PCDHGA3: variants seen among roughly 807,000 people sequenced by gnomAD.
PCDHGA3 encodes protocadherin gamma subfamily A, 3.
Under a neutral mutation model 58.5 loss-of-function variants are expected in PCDHGA3, and 40 were observed. The ratio of observed to expected loss-of-function variants is 0.68; its 90% CI spans 0.53 to 0.89. The LOEUF (loss-of-function observed/expected upper bound fraction) is 0.89, where lower values mean the gene tolerates loss of function less well. Among genes scored for constraint, PCDHGA3 ranks in the 40% least tolerant of loss-of-function variants. The pLI, the probability that PCDHGA3 is intolerant of heterozygous loss-of-function variation, is 0.00. For missense variants in PCDHGA3, 1,223 were observed against 1,195.9 expected (o/e 1.02, Z -0.33); for synonymous variants, 530 against 525.7 (o/e 1.01, Z -0.11).
At chr5:141,398,242 G>A (rs768096349) in intron 1 of PCDHGA3, 11 of 1,476,422 alleles carry the variant, frequency 7.5e-6, no homozygotes, top group Admixed American at 6.1e-5. Context: ...CAGGATTCCC[G>A]AGGAAATGCC....
At chr5:141,398,866 T>TAC (rs775997367) in intron 1 of PCDHGA3, 28 of 1,613,844 alleles carry the variant, frequency 1.7e-5, no homozygotes, top group Non-Finnish European at 8.5e-7. Flanking sequence ...CCGAGACGTG[T>TAC]ACAGAGTCAG....
intron 1 of PCDHGA3, chr5:141,392,938 G>T: frequency 6.2e-7 from 1 of 1,613,954 alleles, no homozygotes; most frequent in Non-Finnish European, 8.5e-7. Flanking sequence ...ACGGACAAAG[G>T]CTCCTTCGTG....
At chr5:141,510,818 A>C in intron 3 of PCDHGA3, 129 bp from the exon 4 acceptor site, 1 of 1,551,540 alleles carries the variant, frequency 6.4e-7, no homozygotes, top group Non-Finnish European at 8.7e-7. Context: ...TGACCCCTAT[A>C]TTCCCAGTGC....
intron 1 of PCDHGA3, among the ~76,000 whole-genome samples, chr5:141,472,274 G>A (rs1170341842): frequency 6.6e-6 from 1 of 152,176 alleles, no homozygotes; most frequent in Admixed American, 6.5e-5. Flanking sequence ...GGGCACAGTG[G>A]CTCACACCTG....
In PCDHGA3 at chr5:141,485,126, G is replaced by C; in HGVS notation, c.2425-9681G>C. ...TGCTGTGGCTGTTTGGGGCGGGTCG[G>C]CTTCATCCGCGTCTCAGGAGCAAGT... On this transcript the variant is annotated intron_variant, in intron 1 of 3. Transcript: ENST00000253812. The surrounding 1 kb of genome is among the most constrained non-coding windows in gnomAD (Gnocchi z 5.7). 1.4e-6 allele frequency: 2 copies of C among 1,432,378 alleles called. No homozygotes were observed. The highest frequency in any genetic ancestry group is 2.4e-5 in the South Asian group (2 of 81,724). 88.7% of individuals were successfully genotyped at this position (1,432,378 alleles called of 1,614,324 possible). A position where few individuals can be genotyped will look rare whatever the true frequency, so the allele number is the denominator to read the frequency against.
chr5:141,428,013 C>T, intron 1 of PCDHGA3: 4 of 1,603,660 alleles, frequency 2.5e-6, no homozygotes, highest in Non-Finnish European at 3.4e-6. Flanking sequence ...CGATATAGTG[C>T]CACGCGCCGC....
chr5:141,448,956 C>A (rs2098619571), intron 1 of PCDHGA3, among the ~76,000 whole-genome samples: 1 of 151,948 alleles, frequency 6.6e-6, no homozygotes, highest in Non-Finnish European at 1.5e-5. Context: ...AAAAAACAAA[C>A]AAACAAACAA....
At chr5:141,407,505 T>TTTTTTTTTTTTTTTTTTTTTTGAG (rs1460306566) in intron 1 of PCDHGA3, among the ~76,000 whole-genome samples, 1 of 152,148 alleles carries the variant, frequency 6.6e-6, no homozygotes, top group African/African-American at 2.4e-5. Context: ...CTGTTTTTCT[T>TTTTTTTTTTTTTTTTTTTTTTGAG]AGGCTATGTA....
intron 1 of PCDHGA3, among the ~76,000 whole-genome samples, chr5:141,463,460 T>TTTC (rs1554144872): frequency 7.4e-6 from 1 of 136,038 alleles, no homozygotes; most frequent in South Asian, 2.5e-4. Context: ...TTTTTTTTTT[T>TTTC]TTTTTTGAGA....
chr5:141,478,378 G>C, intron 1 of PCDHGA3: 1 of 1,613,558 alleles, frequency 6.2e-7, no homozygotes, highest in Non-Finnish European at 8.5e-7. Flanking sequence ...TGATGTCGCC[G>C]CACCTTTACC....
chr5:141,403,044 T>C lies in PCDHGA3; in HGVS notation c.2424+56587T>C, dbSNP rs914251787. 7 of 1,613,960 alleles carry C rather than the reference T, an allele frequency of 4.3e-6. No individual in the cohort carries two copies. The Admixed American group carries it at 8.3e-5, about 19-fold the overall frequency. ...CTATGGGAGGCCAGGGCCAGTCAGA[T>C]TCGCTACTCAGTGCCTGAAGAGACA... is the stretch of plus-strand genomic sequence containing the variant. On this transcript the variant is annotated intron_variant, in intron 1 of 3. Transcript: ENST00000253812.
chr5:141,501,836 T>G (rs2099811283), intron 2 of PCDHGA3, among the ~76,000 whole-genome samples: 1 of 152,136 alleles, frequency 6.6e-6, no homozygotes, highest in Non-Finnish European at 1.5e-5. Context: ...CCCACCTGTT[T>G]GGCCCTCAAC....
intron 1 of PCDHGA3, among the ~76,000 whole-genome samples, chr5:141,469,923 G>A (rs1251812588): frequency 1.3e-5 from 2 of 152,200 alleles, no homozygotes; most frequent in Non-Finnish European, 2.9e-5. Flanking sequence ...CCGAGGTCAG[G>A]AGTTTGAGAC....
At chr5:141,466,827 T>C (rs1414741980) in intron 1 of PCDHGA3, among the ~76,000 whole-genome samples, 1 of 152,194 alleles carries the variant, frequency 6.6e-6, no homozygotes, top group Admixed American at 6.5e-5. Context: ...AACAAGTTAG[T>C]ATGGGTTTAT....
chr5:141,450,948 C>T (rs1250110393), intron 1 of PCDHGA3, among the ~76,000 whole-genome samples: 2 of 151,870 alleles, frequency 1.3e-5, no homozygotes, highest in East Asian at 3.9e-4. Flanking sequence ...CCTCAGCCTC[C>T]CAAGTAGCTG....
In PCDHGA3 at chr5:141,404,331, A is replaced by G. The variant is rs201757016; in HGVS notation, c.2424+57874A>G. On this transcript the variant is annotated intron_variant, in intron 1 of 3. Coordinates refer to ENST00000253812, the MANE Select transcript of PCDHGA3 (RefSeq NM_018916.4). ...TTCTCTCAAGCCTCCTACTCAGTCT[A>G]CCTCCCGGAAAACAACGCCAGAGGT... 101 of 1,613,692 alleles carry G rather than the reference A, an allele frequency of 6.3e-5. 1 individual carries two copies. The highest frequency in any genetic ancestry group is 6.0e-4 in the African/African-American group (45 of 74,944).
At chr5:141,399,653 TG>T in intron 1 of PCDHGA3, 1 of 1,613,606 alleles carries the variant, frequency 6.2e-7, no homozygotes, top group Non-Finnish European at 8.5e-7. Flanking sequence ...CAAAGTGGGG[TG>T]GTGTTCGCGC....
At chr5:141,459,303 T>C (rs1419156629) in intron 1 of PCDHGA3, among the ~76,000 whole-genome samples, 1 of 152,242 alleles carries the variant, frequency 6.6e-6, no homozygotes, top group Non-Finnish European at 1.5e-5. Context: ...CTATAACATA[T>C]ACTATTTTGT....
chr5:141,430,763 A>C, intron 1 of PCDHGA3: 1 of 1,506,248 alleles, frequency 6.6e-7, no homozygotes, highest in Non-Finnish European at 8.9e-7. Flanking sequence ...GATAAGAATG[A>C]TTCCTGCGCG....
Sources: gnomAD v4.1 joint callset for allele counts (sites outside exome capture counted in the v4.1 genomes callset) on GRCh38, gnomAD v4.1.1 for gene constraint, Gnocchi (gnomAD v3.1) non-coding constraint, MANE v1.5 for transcripts, NCBI Gene and HGNC (gene_info 2026-07-23, HGNC 2026-07-21) for gene names.